Variants in PCDHA8 observed in about 807,000 individuals in gnomAD.
PCDHA8 encodes protocadherin alpha-8.
In PCDHA8, 53 loss-of-function variants were observed where a neutral mutation model predicts 61.8. The ratio of observed to expected loss-of-function variants is 0.86; its 90% CI spans 0.69 to 1.08. PCDHA8 has a LOEUF of 1.08. PCDHA8 is among the 50% of genes least tolerant of loss of function. PCDHA8 has a pLI of 0.00. For synonymous variants in PCDHA8, 618 were observed against 556.6 expected, an observed-to-expected ratio of 1.11 and a Z score of -1.55; for missense variants, 1,293 against 1,245.0, an observed-to-expected ratio of 1.04 and a Z score of -0.58.
At chr5:140,940,731 G>C (rs1195223562) in intron 1 of PCDHA8, among the ~76,000 whole-genome samples, 1 of 152,280 alleles carries the variant, frequency 6.6e-6, no homozygotes, top group South Asian at 2.1e-4. Context: ...CAGCTGGACA[G>C]CTCCATATTT....
At chr5:140,938,885 A>C (rs966791166) in intron 1 of PCDHA8, among the ~76,000 whole-genome samples, 9 of 152,144 alleles carry the variant, frequency 5.9e-5, no homozygotes, top group Non-Finnish European at 1.2e-4. Flanking sequence ...CAACACACAC[A>C]CACACAGATG....
At position 140,978,795 on chromosome 5, in the gene PCDHA8, G is replaced by A. The variant is rs1437973642; in HGVS notation, c.2395-154G>A. 3 of 979,120 alleles carry A rather than the reference G, an allele frequency of 3.1e-6. No individual in the cohort carries two copies. The African/African-American group carries it at 5.3e-5, about 17-fold the overall frequency. The allele number at this position is 979,120 out of a possible 1,614,324, so 60.7% of individuals were successfully genotyped here. On this transcript the variant is annotated intron_variant, in intron 1 of 3. Coordinates refer to ENST00000531613, the MANE Select transcript of PCDHA8 (RefSeq NM_018911.3). ...AATTTTCTTCTAAAGTGCTATATAT[G>A]TAGATATCATCATAGAGTTACACAT...
intron 1 of PCDHA8, chr5:140,884,130 C>T (rs1554181258): frequency 3.1e-6 from 5 of 1,613,434 alleles, no homozygotes; most frequent in Non-Finnish European, 3.4e-6. Flanking sequence ...GCGCGCATCC[C>T]GTTCCGCGTG....
intron 3 of PCDHA8, among the ~76,000 whole-genome samples, chr5:141,004,743 T>G (rs1554259718): frequency 6.6e-6 from 1 of 152,182 alleles, no homozygotes; most frequent in Admixed American, 6.5e-5. Flanking sequence ...CTCTTTTGTC[T>G]CAGTCTCTTA....
At position 140,841,942 on chromosome 5, in the gene PCDHA8, G is replaced by C; in HGVS notation, c.621G>C (p.Ala207=). The change falls in exon 1 of 4, where the codon GCG becomes GCC. Residue 207 remains alanine, a synonymous_variant. Coordinates refer to ENST00000531613, the MANE Select transcript of PCDHA8 (RefSeq NM_018911.3). ...CCTTGGACAGAGAGGACGCTCCTGC[G>C]CACCACTTATTCCTGACAGCCACAG... is the stretch of plus-strand genomic sequence containing the variant. The part of the protein sequence containing the change: ...RKSLDREDAP[A]HHLFLTATDG... 6.2e-7 allele frequency: 1 copy of C among 1,613,920 alleles called. No homozygotes were observed. Among genetic ancestry groups the C allele is most frequent in the South Asian group, 1.1e-5 (1 of 91,076 alleles).
intron 2 of PCDHA8, among the ~76,000 whole-genome samples, chr5:140,981,353 C>A (rs551731316): frequency 6.6e-6 from 1 of 152,166 alleles, no homozygotes; most frequent in South Asian, 2.1e-4. Context: ...GCAGGTGGAT[C>A]ACTTGAGGTC....
intron 1 of PCDHA8, among the ~76,000 whole-genome samples, chr5:140,952,331 T>G (rs1302386893): frequency 1.8e-5 from 2 of 112,488 alleles, no homozygotes; most frequent in African/African-American, 7.8e-5. Context: ...AGAGTGAAAC[T>G]CCATCTCAAA....
intron 1 of PCDHA8, chr5:140,877,011 G>T: frequency 2.5e-6 from 4 of 1,612,512 alleles, no homozygotes. Flanking sequence ...TGCACGCGGA[G>T]AGCGGCAAGG....
chr5:140,842,533 C>T lies in PCDHA8; in HGVS notation c.1212C>T (p.Tyr404=). 2 of 1,613,062 alleles carry T rather than the reference C, an allele frequency of 1.2e-6. No individual in the cohort carries two copies. Among genetic ancestry groups the T allele is most frequent in the Non-Finnish European group, 1.7e-6 (2 of 1,179,074 alleles). ...AGCTGGTGTCCACCTTCAAGAATTACTACTCGTTGGTGCTGGACAGCGCCC... is the reference window on the plus strand; with the variant it reads ...AGCTGGTGTCCACCTTCAAGAATTATTACTCGTTGGTGCTGGACAGCGCCC... ...PFKLVSTFKN[Y]YSLVLDSALD... is the part of the protein sequence containing the mutation. The change falls in exon 1 of 4, where the codon TAC becomes TAT. Residue 404 remains tyrosine (Y), a synonymous_variant. Coordinates refer to ENST00000531613, the MANE Select transcript of PCDHA8 (RefSeq NM_018911.3).
intron 1 of PCDHA8, among the ~76,000 whole-genome samples, chr5:140,905,368 T>C (rs536118800): frequency 6.6e-6 from 1 of 152,218 alleles, no homozygotes; most frequent in African/African-American, 2.4e-5. Flanking sequence ...TATTTCTGGT[T>C]CTCTGTTCTG....
At chr5:140,850,138 A>T in intron 1 of PCDHA8, 1 of 1,595,694 alleles carries the variant, frequency 6.3e-7, no homozygotes, top group Non-Finnish European at 8.6e-7. Context: ...CTGGGCAGCA[A>T]CGTGACGCTG....
intron 1 of PCDHA8, 163 bp from the exon 2 acceptor site, chr5:140,978,786 G>C (rs2096822943): frequency 1.4e-5 from 14 of 972,674 alleles, no homozygotes; most frequent in Non-Finnish European, 1.3e-5. Context: ...CTTCTAAAGT[G>C]CTATATATGT....
intron 1 of PCDHA8, among the ~76,000 whole-genome samples, chr5:140,957,274 C>A (rs1251520860): frequency 6.6e-6 from 1 of 152,104 alleles, no homozygotes; most frequent in South Asian, 2.1e-4. Context: ...ACTAGTCCCC[C>A]CTTACCTGCA....
chr5:140,883,075 T>A (rs969917261), intron 1 of PCDHA8: 8 of 1,614,134 alleles, frequency 5.0e-6, no homozygotes, highest in Non-Finnish European at 6.8e-6. Flanking sequence ...CCACAGATCC[T>A]GATGATGGTA....
chr5:140,978,810 G>C, intron 1 of PCDHA8, 139 bp from the exon 2 acceptor site: 2 of 1,500,034 alleles, frequency 1.3e-6, no homozygotes, highest in Non-Finnish European at 1.8e-6. Flanking sequence ...TATCATCATA[G>C]AGTTACACAT....
chr5:140,884,209 T>G (rs1159344104), intron 1 of PCDHA8: 6 of 1,613,276 alleles, frequency 3.7e-6, no homozygotes, highest in Non-Finnish European at 3.4e-6. Context: ...ACCACCGCCT[T>G]CTGGTGCTGG....
At chr5:140,960,455 T>A (rs1585839337) in intron 1 of PCDHA8, among the ~76,000 whole-genome samples, 3 of 152,274 alleles carry the variant, frequency 2.0e-5, no homozygotes, top group African/African-American at 7.2e-5. Flanking sequence ...ATGGATAATT[T>A]TGAGAAGTAA....
At chr5:140,862,618 C>CCG in intron 1 of PCDHA8, 1 of 526,556 alleles carries the variant, frequency 1.9e-6, no homozygotes, top group Non-Finnish European at 3.9e-6. Context: ...AGGTAACAAC[C>CCG]CGCGGGGCTG....
intron 1 of PCDHA8, among the ~76,000 whole-genome samples, chr5:140,977,965 C>T (rs782117847): frequency 3.3e-5 from 5 of 152,150 alleles, no homozygotes; most frequent in Non-Finnish European, 5.9e-5. Context: ...CCTCAATCTC[C>T]GCCCATGAAA....
Sources: gnomAD v4.1 joint callset for allele counts (sites outside exome capture counted in the v4.1 genomes callset) on GRCh38, gnomAD v4.1.1 for gene constraint, MANE v1.5 for transcripts, NCBI Gene and HGNC (gene_info 2026-07-23, HGNC 2026-07-21) for gene names.